GRIK4: variants seen among roughly 807,000 people sequenced by gnomAD.
GRIK4 encodes glutamate receptor ionotropic, kainate 4.
GRIK4 carries 40 observed loss-of-function variants against 104.9 expected under a neutral mutation model. The ratio of observed to expected loss-of-function variants is 0.38; its 90% CI spans 0.30 to 0.50. GRIK4 has a LOEUF of 0.50. GRIK4 is among the 20% of genes least tolerant of loss of function. The probability of loss-of-function intolerance (pLI) is 0.93; values close to 1 mark genes in which losing one functional copy is unlikely to be tolerated. For synonymous variants in GRIK4, 485 were observed against 524.9 expected (o/e 0.92, Z 1.04); for missense variants, 1,047 against 1,308.1 (o/e 0.80, Z 3.08).
chr11:120,557,140 G>T (rs1948195603), intron 1 of GRIK4, among the ~76,000 whole-genome samples: 3 of 152,176 alleles, frequency 2.0e-5, no homozygotes, highest in Admixed American at 6.5e-5. Flanking sequence ...CAGCATTCAG[G>T]GACCCAGGGC....
intron 3 of GRIK4, among the ~76,000 whole-genome samples, chr11:120,788,911 G>A (rs1293342737): frequency 6.6e-6 from 1 of 151,990 alleles, no homozygotes; most frequent in Non-Finnish European, 1.5e-5. Flanking sequence ...CCCCTGGAAG[G>A]GCTCTTGCTG....
chr11:120,821,979 G>A (rs1953138487), intron 6 of GRIK4, among the ~76,000 whole-genome samples: 1 of 152,140 alleles, frequency 6.6e-6, no homozygotes. Context: ...GAAGGCCAAG[G>A]TGGGAAGATC....
At chr11:120,739,754 G>A (rs1951293274) in intron 3 of GRIK4, among the ~76,000 whole-genome samples, 1 of 152,180 alleles carries the variant, frequency 6.6e-6, no homozygotes, top group African/African-American at 2.4e-5. Flanking sequence ...TCTGTCCTCA[G>A]GTGACGATGC....
intron 19 of GRIK4, among the ~76,000 whole-genome samples, chr11:120,980,619 C>T (rs1246297237): frequency 1.3e-5 from 2 of 152,096 alleles, no homozygotes; most frequent in Admixed American, 6.5e-5. Context: ...GGGCTTTTTG[C>T]CCATTTAAGC....
At chr11:120,776,166 G>A (rs907451902) in intron 3 of GRIK4, among the ~76,000 whole-genome samples, 2 of 152,254 alleles carry the variant, frequency 1.3e-5, no homozygotes, top group South Asian at 2.1e-4. Context: ...TTGTGCAGAC[G>A]TGGCTGCAAT....
chr11:120,974,969 A>T (rs1462603885), intron 19 of GRIK4, among the ~76,000 whole-genome samples: 1 of 152,246 alleles, frequency 6.6e-6, no homozygotes, highest in African/African-American at 2.4e-5. Flanking sequence ...CAATTCAAGG[A>T]GATTGGATTA....
chr11:120,819,619 T>G lies in GRIK4; in HGVS notation c.346-136T>G. On this transcript the variant is annotated intron_variant, in intron 5 of 20. Coordinates refer to ENST00000527524, the MANE Select transcript of GRIK4 (RefSeq NM_014619.5). This position sits in a 1 kb window ranked among gnomAD's most constrained non-coding sequence, Gnocchi z 4.3. ...CCCACGGAGTGGGTGCCCTGGGAGC[T>G]CCTTCTCCCATTGGTGTCTGGCGAA... 2.7e-6 allele frequency: 2 copies of G among 752,994 alleles called. No individual in the cohort carries two copies. The highest frequency in any genetic ancestry group is 3.3e-5 in the South Asian group (2 of 60,472). 46.6% of individuals were successfully genotyped at this position (752,994 alleles called of 1,614,324 possible).
At chr11:120,707,748 T>A (rs1461431173) in intron 3 of GRIK4, among the ~76,000 whole-genome samples, 1 of 152,160 alleles carries the variant, frequency 6.6e-6, no homozygotes, top group African/African-American at 2.4e-5. Context: ...ATGGCACAGT[T>A]ACATGGCTGG....
At chr11:120,714,315 G>C (rs1468082046) in intron 3 of GRIK4, among the ~76,000 whole-genome samples, 5 of 152,242 alleles carry the variant, frequency 3.3e-5, no homozygotes, top group Admixed American at 6.5e-5. Flanking sequence ...TTGCAAGCCA[G>C]AGTAAAGATG....
chr11:120,660,527 G>C, intron 3 of GRIK4, 127 bp downstream of exon 3: 1 of 682,366 alleles, frequency 1.5e-6, no homozygotes, highest in Non-Finnish European at 2.5e-6. Context: ...CCTGAGTGTG[G>C]CTGGGGTGAA....
At chr11:120,931,366 C>T (rs955213602) in intron 13 of GRIK4, among the ~76,000 whole-genome samples, 1 of 152,152 alleles carries the variant, frequency 6.6e-6, no homozygotes, top group Admixed American at 6.5e-5. Context: ...TCATGCTGAC[C>T]TTGGCTGGAG....
chr11:120,732,087 A>C (rs920511210), intron 3 of GRIK4, among the ~76,000 whole-genome samples: 1 of 151,118 alleles, frequency 6.6e-6, no homozygotes, highest in African/African-American at 2.4e-5. Context: ...TTTTGGGTTC[A>C]GTTTGCTCTT....
intron 13 of GRIK4, among the ~76,000 whole-genome samples, chr11:120,917,600 T>C (rs973007455): frequency 1.3e-5 from 2 of 152,162 alleles, no homozygotes; most frequent in Non-Finnish European, 2.9e-5. Flanking sequence ...GGGAGAGCAG[T>C]CTCCAGGCCC....
Position 120,768,705 on chromosome 11 carries a change from G to A in GRIK4, c.83-33988G>A, listed in dbSNP as rs1392554529. 6.6e-5 allele frequency among the ~76,000 whole-genome samples: 10 copies of A among 152,088 alleles called. No homozygotes were observed. In the South Asian group the frequency reaches 1.5e-3, roughly 22 times the overall value. ...TAATACATAGCCTTTATTGTATTGA[G>A]GAATTTTTCTTCTATACCTAAACTG... On this transcript the variant is annotated intron_variant, in intron 3 of 20. Transcript: ENST00000527524.
rs1555046778 is a variant in GRIK4 at position 120,710,999 on chromosome 11, G to GGC, written c.82+50600_82+50601insCG. Among the ~76,000 whole-genome samples the GGC allele has an allele frequency of 1.7e-4, 26 of 150,018 alleles. 2 individuals carry two copies. The highest frequency in any genetic ancestry group is 6.3e-4 in the African/African-American group (25 of 40,000). ...CAGCCTCGCTTGCCCCTGTGAGGTG[G>GGC]GGAGGGGGTGTGAGCAGCTGCAGGG... is the stretch of plus-strand genomic sequence containing the variant. On this transcript the variant is annotated intron_variant, in intron 3 of 20. Transcript: ENST00000527524.
intron 3 of GRIK4, among the ~76,000 whole-genome samples, chr11:120,799,047 C>T (rs1002409236): frequency 1.3e-5 from 2 of 152,146 alleles, no homozygotes; most frequent in African/African-American, 4.8e-5. Context: ...GTAATTGTGG[C>T]CTTTGAACAC....
intron 3 of GRIK4, among the ~76,000 whole-genome samples, chr11:120,797,166 G>A (rs529739560): frequency 3.3e-5 from 5 of 152,214 alleles, no homozygotes; most frequent in South Asian, 2.1e-4. Context: ...TGGAAAGAGC[G>A]GGAAGCCCCG....
At chr11:120,845,639 A>G (rs61901428) in intron 8 of GRIK4, among the ~76,000 whole-genome samples, 2 of 149,344 alleles carry the variant, frequency 1.3e-5, no homozygotes, top group East Asian at 3.9e-4. Flanking sequence ...ACACATCCCT[A>G]TGCACACTTC....
At chr11:120,660,483 T>A (rs1949795734) in intron 3 of GRIK4, 83 bp downstream of exon 3, 1 of 1,065,206 alleles carries the variant, frequency 9.4e-7, no homozygotes, top group Middle Eastern at 2.5e-4. Context: ...GCACAGGACT[T>A]GGGGAAGCTG....
Sources: allele counts gnomAD v4.1 joint callset (sites outside exome capture counted in the v4.1 genomes callset), GRCh38; gene constraint gnomAD v4.1.1; non-coding constraint Gnocchi (gnomAD v3.1); transcripts MANE v1.5; gene names NCBI Gene and HGNC (gene_info 2026-07-23, HGNC 2026-07-21).